Variants in SRGAP3 observed in about 807,000 individuals in gnomAD.
SRGAP3 encodes the protein SLIT-ROBO Rho GTPase-activating protein 3.
Under a neutral mutation model 121.1 loss-of-function variants are expected in SRGAP3, and 39 were observed. The ratio of observed to expected loss-of-function variants is 0.32; its 90% CI spans 0.25 to 0.42. The LOEUF (loss-of-function observed/expected upper bound fraction) is 0.42. Ranked by LOEUF, SRGAP3 falls within the 10% of genes least tolerant of loss-of-function variation. SRGAP3 has a pLI of 1.00. For synonymous variants in SRGAP3, 601 were observed against 570.0 expected (o/e 1.05, Z -0.77); for missense variants, 1,213 against 1,470.6 (o/e 0.82, Z 2.86).
At chr3:9,143,488 A>G (rs1949928347) in intron 1 of SRGAP3, among the ~76,000 whole-genome samples, 1 of 152,236 alleles carries the variant, frequency 6.6e-6, no homozygotes, top group African/African-American at 2.4e-5. Flanking sequence ...AAACAAATGG[A>G]TAAAATGCCA....
At chr3:9,098,502 G>C (rs1489885348) in intron 3 of SRGAP3, among the ~76,000 whole-genome samples, 1 of 152,052 alleles carries the variant, frequency 6.6e-6, no homozygotes, top group Admixed American at 6.6e-5. Flanking sequence ...CTGAGCTCAA[G>C]CGATCCTCCC....
intron 1 of SRGAP3, among the ~76,000 whole-genome samples, chr3:9,351,799 C>T (rs2030179843): frequency 1.3e-5 from 2 of 152,084 alleles, no homozygotes; most frequent in Non-Finnish European, 2.9e-5. Flanking sequence ...TAGGTGTTGT[C>T]AAATTATACC....
intron 10 of SRGAP3, among the ~76,000 whole-genome samples, chr3:9,043,440 G>A (rs1488443366): frequency 6.6e-6 from 1 of 152,144 alleles, no homozygotes; most frequent in Non-Finnish European, 1.5e-5. Context: ...AAATGCCTGC[G>A]CTCTTGGATA....
intron 1 of SRGAP3, among the ~76,000 whole-genome samples, chr3:9,210,207 G>A (rs1952402348): frequency 1.3e-5 from 2 of 152,336 alleles, no homozygotes; most frequent in East Asian, 3.9e-4. Flanking sequence ...TGATGGAGAT[G>A]TTCTAAAATT....
intron 12 of SRGAP3, among the ~76,000 whole-genome samples, chr3:9,031,253 C>T (rs934529854): frequency 2.6e-5 from 4 of 152,188 alleles, no homozygotes; most frequent in African/African-American, 9.7e-5. Flanking sequence ...CCTTCTTGGC[C>T]ATGGACCATG....
At chr3:9,088,036 T>C (rs59217370) in intron 3 of SRGAP3, among the ~76,000 whole-genome samples, 2,918 of 152,280 alleles carry the variant, frequency 0.019, 91 homozygotes, top group African/African-American at 0.066. Context: ...AAGGGAAATA[T>C]TCTCAACTAT....
intron 1 of SRGAP3, among the ~76,000 whole-genome samples, chr3:9,359,547 G>A (rs763217682): frequency 2.0e-5 from 3 of 152,176 alleles, no homozygotes; most frequent in African/African-American, 4.8e-5. Context: ...ACCCAGCAAG[G>A]TCTGTCTATT....
intron 10 of SRGAP3, among the ~76,000 whole-genome samples, chr3:9,038,363 C>G (rs1944866494): frequency 6.6e-6 from 1 of 152,240 alleles, no homozygotes; most frequent in Non-Finnish European, 1.5e-5. Flanking sequence ...CCACTTGCAT[C>G]AGAAACATCT....
intron 18 of SRGAP3, among the ~76,000 whole-genome samples, chr3:8,999,637 G>A (rs1268484566): frequency 6.6e-6 from 1 of 152,110 alleles, no homozygotes; most frequent in Non-Finnish European, 1.5e-5. Flanking sequence ...TGAGAATGTG[G>A]GTGTACCTTC....
intron 10 of SRGAP3, among the ~76,000 whole-genome samples, chr3:9,042,422 G>A (rs142720663): frequency 1.5e-4 from 22 of 142,918 alleles, no homozygotes; most frequent in South Asian, 6.8e-4. Context: ...AGAAAGAATC[G>A]AGCATTTTAT....
intron 1 of SRGAP3, among the ~76,000 whole-genome samples, chr3:9,240,514 C>T (rs1953590602): frequency 1.3e-5 from 2 of 152,150 alleles, no homozygotes; most frequent in African/African-American, 4.8e-5. Flanking sequence ...CAAGGTACTA[C>T]TCAGCTCTGC....
intron 10 of SRGAP3, among the ~76,000 whole-genome samples, chr3:9,041,101 T>C (rs1944990370): frequency 6.6e-6 from 1 of 152,258 alleles, no homozygotes; most frequent in Non-Finnish European, 1.5e-5. Flanking sequence ...TACACGATAG[T>C]GTAATAAGTG....
intron 18 of SRGAP3, among the ~76,000 whole-genome samples, chr3:9,009,804 A>G (rs924368317): frequency 6.6e-6 from 1 of 152,194 alleles, no homozygotes; most frequent in East Asian, 1.9e-4. Context: ...TGCCCAATGC[A>G]CCAGACACAC....
chr3:8,992,667 G>A (rs549788786), intron 20 of SRGAP3: 10 of 609,692 alleles, frequency 1.6e-5, no homozygotes, highest in East Asian at 1.4e-4. Context: ...AAATAAAAAA[G>A]CACTGGGTTC....
intron 1 of SRGAP3, among the ~76,000 whole-genome samples, chr3:9,244,828 G>A (rs1953766062): frequency 6.6e-6 from 1 of 152,108 alleles, no homozygotes; most frequent in African/African-American, 2.4e-5. Context: ...ACCAGCATGG[G>A]GTCACCAAGA....
chr3:9,104,804 T>C lies in SRGAP3; in HGVS notation c.299A>G (p.Tyr100Cys). 1.2e-6 allele frequency: 2 copies of C among 1,614,230 alleles called. No individual in the cohort carries two copies. Among genetic ancestry groups the C allele is most frequent in the African/African-American group, 1.3e-5 (1 of 75,044 alleles). The change falls in exon 3 of 22, where the codon TAT (tyrosine) becomes TGT (cysteine). Residue 100 changes from tyrosine (Y) to cysteine (C), a missense_variant. Transcript: ENST00000383836. ...QYLLSPVNCWYLVLHQTRRES... is the reference protein window; with the variant it reads ...QYLLSPVNCWCLVLHQTRRES... The stretch of plus-strand genomic sequence containing the variant: ...CCGCCGGGTCTGATGCAGAACCAGA[T>C]ACCAACAGTTCACAGGCGAGAGGAG...
At chr3:9,319,211 T>C (rs1297975303) in intron 3 of SRGAP3, among the ~76,000 whole-genome samples, 24 of 151,904 alleles carry the variant, frequency 1.6e-4, no homozygotes, top group Admixed American at 1.6e-3. Context: ...TAAAAAGCCT[T>C]GCCTAAAGTC....
At chr3:9,011,145 T>G (rs1039931450) in intron 17 of SRGAP3, among the ~76,000 whole-genome samples, 1 of 152,096 alleles carries the variant, frequency 6.6e-6, no homozygotes, top group African/African-American at 2.4e-5. Flanking sequence ...TGGCTTCATG[T>G]TGCTTACATT....
At chr3:9,047,942 T>G (rs931070378) in intron 9 of SRGAP3, among the ~76,000 whole-genome samples, 3 of 152,262 alleles carry the variant, frequency 2.0e-5, no homozygotes, top group Non-Finnish European at 4.4e-5. Context: ...CTTCCTTTCA[T>G]CTGGCCCCAC....
Sources: gnomAD v4.1 joint callset for allele counts (sites outside exome capture counted in the v4.1 genomes callset) on GRCh38, gnomAD v4.1.1 for gene constraint, MANE v1.5 for transcripts, NCBI Gene and HGNC (gene_info 2026-07-23, HGNC 2026-07-21) for gene names.